Variants in GPR139 observed in about 807,000 individuals in gnomAD.
GPR139 encodes G protein-coupled receptor 139.
GPR139 carries 12 observed loss-of-function variants against 25.8 expected under a neutral mutation model. The observed-to-expected ratio is 0.47, with a 90% CI of 0.30 to 0.75. GPR139 has a LOEUF of 0.75. Among genes scored for constraint, GPR139 ranks in the 30% least tolerant of loss-of-function variants. The probability of loss-of-function intolerance (pLI) is 0.07; values close to 1 mark genes in which losing one functional copy is unlikely to be tolerated. For missense variants in GPR139, 380 were observed against 450.2 expected, an observed-to-expected ratio of 0.84 and a Z score of 1.41; for synonymous variants, 184 against 179.9, an observed-to-expected ratio of 1.02 and a Z score of -0.18.
intron 1 of GPR139, among the ~76,000 whole-genome samples, chr16:20,053,291 C>T (rs1052527771): frequency 1.3e-5 from 2 of 152,278 alleles, no homozygotes; most frequent in East Asian, 3.9e-4. Context: ...TGCTGGTCTA[C>T]CCCTGACATG....
At chr16:20,065,985 AGTTT>A (rs533648144) in intron 1 of GPR139, among the ~76,000 whole-genome samples, 1 of 152,164 alleles carries the variant, frequency 6.6e-6, no homozygotes, top group East Asian at 1.9e-4. Context: ...TAAGAGAAAT[AGTTT>A]GTTTTTTTGT....
chr16:20,069,308 C>T (rs1567241477), intron 1 of GPR139, among the ~76,000 whole-genome samples: 1 of 152,238 alleles, frequency 6.6e-6, no homozygotes, highest in South Asian at 2.1e-4. Context: ...GGTCATATAA[C>T]TTGTAAGCAG....
rs2057288639 is a variant in GPR139, at chr16:20,031,614, A to G, written c.*121T>C. 1 of 729,294 alleles carries G rather than the reference A, an allele frequency of 1.4e-6. No individual in the cohort carries two copies. The highest frequency in any genetic ancestry group is 1.8e-5 in the African/African-American group (1 of 56,858). The allele number at this position is 729,294 out of a possible 1,614,324, so 45.2% of individuals were successfully genotyped here. A position where few individuals can be genotyped will look rare whatever the true frequency, so the allele number is the denominator to read the frequency against. On this transcript the variant is annotated 3_prime_UTR_variant, in exon 2 of 2. Transcript: ENST00000570682. ...TCATCTACCAGTCTGAGAATTGCCC[A>G]GTCTGCGGGAGACAGGAAATCGGAT...
chr16:20,037,948 C>T (rs750802963), intron 1 of GPR139, among the ~76,000 whole-genome samples: 4 of 152,150 alleles, frequency 2.6e-5, no homozygotes, highest in Non-Finnish European at 5.9e-5. Context: ...GCAACCTCCA[C>T]CTCCCAGGTT....
At chr16:20,032,739 A>AAC in intron 1 of GPR139, 70 bp from the exon 2 acceptor site, 5 of 1,118,588 alleles carry the variant, frequency 4.5e-6, no homozygotes, top group Non-Finnish European at 6.4e-6. Flanking sequence ...TGGGGGCCCT[A>AAC]GGCATATGTT....
intron 1 of GPR139, among the ~76,000 whole-genome samples, chr16:20,057,283 A>G (rs1172532622): frequency 1.3e-5 from 2 of 152,220 alleles, no homozygotes; most frequent in East Asian, 1.9e-4. Flanking sequence ...CCAAATGAGC[A>G]TGATGGAAGT....
At chr16:20,069,034 T>G (rs1407113681) in intron 1 of GPR139, among the ~76,000 whole-genome samples, 1 of 152,210 alleles carries the variant, frequency 6.6e-6, no homozygotes, top group African/African-American at 2.4e-5. Context: ...AATATTTTGT[T>G]GATGATTTTT....
rs956844981 is a variant in GPR139 at position 20,029,063 on chromosome 16, T to G, written c.*2672A>C. Among the ~76,000 whole-genome samples the G allele has an allele frequency of 6.6e-6, 1 of 152,208 alleles. No individual in the cohort carries two copies. The highest frequency in any genetic ancestry group is 1.5e-5 in the Non-Finnish European group (1 of 68,036). Reference sequence around the variant, plus strand: ...ATAGTTTGAAATAAATTTTAAGAGATATGAATCAACCTAACCCAATGGGCA... The same window carrying G: ...ATAGTTTGAAATAAATTTTAAGAGAGATGAATCAACCTAACCCAATGGGCA... On this transcript the variant is annotated 3_prime_UTR_variant, in exon 2 of 2. Transcript: ENST00000570682.
At chr16:20,064,990 T>C (rs1179523422) in intron 1 of GPR139, among the ~76,000 whole-genome samples, 1 of 152,208 alleles carries the variant, frequency 6.6e-6, no homozygotes, top group Non-Finnish European at 1.5e-5. Context: ...TTTTCCACTT[T>C]AGCCACATAT....
intron 1 of GPR139, among the ~76,000 whole-genome samples, chr16:20,051,650 T>C (rs940163334): frequency 6.6e-6 from 1 of 152,180 alleles, no homozygotes; most frequent in Non-Finnish European, 1.5e-5. Flanking sequence ...GGCGTAATTA[T>C]ATGGAAATGG....
At chr16:20,039,080 A>G (rs900595680) in intron 1 of GPR139, among the ~76,000 whole-genome samples, 4 of 152,198 alleles carry the variant, frequency 2.6e-5, no homozygotes, top group African/African-American at 4.8e-5. Context: ...CTTTCTGTCA[A>G]TGGTGTCGTC....
chr16:20,067,408 C>CT (rs1419567155), intron 1 of GPR139, among the ~76,000 whole-genome samples: 1 of 152,222 alleles, frequency 6.6e-6, no homozygotes, highest in Non-Finnish European at 1.5e-5. Context: ...ATGAAGTGCT[C>CT]TTTTTCTCAC....
chr16:20,064,357 A>G (rs1211248975), intron 1 of GPR139, among the ~76,000 whole-genome samples: 2 of 152,170 alleles, frequency 1.3e-5, no homozygotes, highest in African/African-American at 2.4e-5. Flanking sequence ...CCTGGCCAAC[A>G]TGGTGAAACC....
At position 20,034,554 on chromosome 16, in the gene GPR139, G is replaced by A. The variant is rs376914589; in HGVS notation, c.128-1885C>T. On this transcript the variant is annotated intron_variant, in intron 1 of 1. Coordinates refer to ENST00000570682, the MANE Select transcript of GPR139 (RefSeq NM_001002911.4). ...TTCTTTCTTTCTTTTTCAGAGACCC[G>A]GTCTTGCTATGTTGCCCAGGCTGGA... is the stretch of plus-strand genomic sequence containing the variant. 1.6e-3 allele frequency among the ~76,000 whole-genome samples: 239 copies of A among 152,138 alleles called. 3 individuals are homozygous for A. Among genetic ancestry groups the A allele is most frequent in the African/African-American group, 5.1e-3 (212 of 41,486 alleles).
chr16:20,061,987 G>C (rs2057415923), intron 1 of GPR139, among the ~76,000 whole-genome samples: 1 of 152,188 alleles, frequency 6.6e-6, no homozygotes, highest in Non-Finnish European at 1.5e-5. Flanking sequence ...GGCATTGTAG[G>C]CCAGGTGCAG....
intron 1 of GPR139, among the ~76,000 whole-genome samples, chr16:20,052,863 T>A (rs1048362886): frequency 2.6e-5 from 4 of 151,872 alleles, no homozygotes; most frequent in African/African-American, 9.7e-5. Flanking sequence ...TTTTTAAAAA[T>A]TATTAATTTT....
chr16:20,055,036 T>G (rs1596469124), intron 1 of GPR139, among the ~76,000 whole-genome samples: 2 of 152,170 alleles, frequency 1.3e-5, no homozygotes, highest in Non-Finnish European at 2.9e-5. Context: ...CCCCAGATTA[T>G]TTCATCACCC....
rs776044122 is a variant in GPR139, at chr16:20,030,543, A to G, written c.*1192T>C. ...AAGGGTAGAATAAATAAACACACTT[A>G]TATTTTATCATTTTACAAAGGATCT... On this transcript the variant is annotated 3_prime_UTR_variant, in exon 2 of 2. Transcript: ENST00000570682. Among the ~76,000 whole-genome samples the G allele has an allele frequency of 2.6e-5, 4 of 152,036 alleles. No individual in the cohort carries two copies. The highest frequency in any genetic ancestry group is 4.4e-5 in the Non-Finnish European group (3 of 68,042).
chr16:20,058,706 G>A (rs748092313), intron 1 of GPR139, among the ~76,000 whole-genome samples: 8 of 152,152 alleles, frequency 5.3e-5, no homozygotes, highest in Non-Finnish European at 1.0e-4. Flanking sequence ...ATGTCCCTCC[G>A]TCACGCTGGC....
Sources: gnomAD v4.1 joint callset for allele counts (sites outside exome capture counted in the v4.1 genomes callset) on GRCh38, gnomAD v4.1.1 for gene constraint, MANE v1.5 for transcripts, NCBI Gene and HGNC (gene_info 2026-07-23, HGNC 2026-07-21) for gene names.